LRP4: variants seen among roughly 807,000 people sequenced by gnomAD.
LRP4 encodes the protein low-density lipoprotein receptor-related protein 4.
LRP4 carries 95 observed loss-of-function variants against 220.3 expected under a neutral mutation model. That is an observed-to-expected ratio of 0.43 (90% CI 0.37 to 0.51). LRP4 has a LOEUF of 0.51. Ranked by LOEUF, LRP4 falls within the 20% of genes least tolerant of loss-of-function variation. The pLI, the probability that LRP4 is intolerant of heterozygous loss-of-function variation, is 0.00. For missense variants in LRP4, 1,925 were observed against 2,567.0 expected (o/e 0.75, Z 5.40); for synonymous variants, 903 against 954.6 (o/e 0.95, Z 1.00).
Position 46,899,332 on chromosome 11 carries a change from G to C in LRP4, c.547+55C>G. On this transcript the variant is annotated intron_variant, in intron 5 of 37. Transcript: ENST00000378623. This position sits in a 1 kb window ranked among gnomAD's most constrained non-coding sequence, Gnocchi z 5.9. Reference sequence around the variant, plus strand: ...TCCTCAGCCTCGCCCTTAGCCAATGGGCAGAACTGTCTGCCCTCATCCAAC... The same window carrying C: ...TCCTCAGCCTCGCCCTTAGCCAATGCGCAGAACTGTCTGCCCTCATCCAAC... 2 of 1,399,476 alleles carry C rather than the reference G, an allele frequency of 1.4e-6. No homozygotes were observed. Among genetic ancestry groups the C allele is most frequent in the East Asian group, 2.3e-5 (1 of 43,874 alleles). 86.7% of individuals were successfully genotyped at this position (1,399,476 alleles called of 1,614,324 possible). A position where few individuals can be genotyped will look rare whatever the true frequency, so the allele number is the denominator to read the frequency against.
chr11:46,889,765 G>C, intron 15 of LRP4, 179 bp downstream of exon 15: 1 of 847,646 alleles, frequency 1.2e-6, no homozygotes, highest in South Asian at 1.6e-5. Context: ...ATCTTTTCGT[G>C]AATCTTGTTG....
At chr11:46,881,568 A>C (rs1941160577) in intron 20 of LRP4, 134 bp downstream of exon 20, 1 of 881,196 alleles carries the variant, frequency 1.1e-6, no homozygotes, top group Admixed American at 1.8e-5. Context: ...CACATGCCCC[A>C]TGCTGGTCCC....
At chr11:46,886,563 T>TAAAAG (rs1941297705) in intron 16 of LRP4, 30 bp from the exon 17 acceptor site, 1 of 1,576,430 alleles carries the variant, frequency 6.3e-7, no homozygotes, top group Admixed American at 1.7e-5. Flanking sequence ...GGTCTTCTTT[T>TAAAAG]AATGCTCTAA....
chr11:46,872,563 G>T (rs1440083140), intron 30 of LRP4, among the ~76,000 whole-genome samples: 1 of 152,206 alleles, frequency 6.6e-6, no homozygotes, highest in African/African-American at 2.4e-5. Flanking sequence ...GGGCAACATA[G>T]CGAGATGCTG....
intron 16 of LRP4, 82 bp from the exon 17 acceptor site, chr11:46,886,615 A>G: frequency 8.8e-7 from 1 of 1,140,150 alleles, no homozygotes; most frequent in Non-Finnish European, 1.3e-6. Context: ...CCTGCGTGAC[A>G]TCTGGTTCAA....
chr11:46,908,416 C>T (rs1267618087), intron 1 of LRP4, among the ~76,000 whole-genome samples: 1 of 152,138 alleles, frequency 6.6e-6, no homozygotes, highest in Admixed American at 6.5e-5. Context: ...TTTGCGCCAA[C>T]CTAATATTAT....
intron 25 of LRP4, 88 bp downstream of exon 25, chr11:46,876,378 C>A (rs1941017077): frequency 7.9e-6 from 12 of 1,513,200 alleles, no homozygotes; most frequent in Non-Finnish European, 1.1e-5. Flanking sequence ...GTGATGCAAG[C>A]TTCCTCTCCA....
intron 1 of LRP4, among the ~76,000 whole-genome samples, chr11:46,913,141 C>T (rs1941892462): frequency 6.6e-6 from 1 of 152,114 alleles, no homozygotes; most frequent in African/African-American, 2.4e-5. Context: ...TCAGGGAGCG[C>T]TAACAGCCAG....
At chr11:46,896,398 C>T in intron 8 of LRP4, 63 bp from the exon 9 acceptor site, 1 of 1,594,514 alleles carries the variant, frequency 6.3e-7, no homozygotes, top group Non-Finnish European at 8.5e-7. Context: ...AGATGGGAGC[C>T]TGTCATTTTC....
chr11:46,882,650 G>C (rs1344367176), intron 19 of LRP4, among the ~76,000 whole-genome samples: 1 of 151,946 alleles, frequency 6.6e-6, no homozygotes, highest in Non-Finnish European at 1.5e-5. Flanking sequence ...TCAGAAGTTT[G>C]ACACCAGCCT....
At chr11:46,877,937 T>G (rs539919225) in intron 22 of LRP4, among the ~76,000 whole-genome samples, 1 of 152,244 alleles carries the variant, frequency 6.6e-6, no homozygotes, top group African/African-American at 2.4e-5. Flanking sequence ...AAGGACCCTT[T>G]ACCATGAAGA....
At chr11:46,860,863 G>C (rs185523949) in intron 37 of LRP4, 1 of 584,562 alleles carries the variant, frequency 1.7e-6, no homozygotes, top group East Asian at 1.4e-4. Flanking sequence ...TTAGGGAGAG[G>C]TGGGGGATAT....
At chr11:46,860,355 C>T (rs530014665) in intron 37 of LRP4, among the ~76,000 whole-genome samples, 1 of 152,244 alleles carries the variant, frequency 6.6e-6, no homozygotes, top group African/African-American at 2.4e-5. Context: ...AGGTTACTCT[C>T]GCTCTGCTGC....
intron 2 of LRP4, among the ~76,000 whole-genome samples, chr11:46,901,838 T>A (rs982079196): frequency 1.3e-5 from 2 of 152,030 alleles, no homozygotes; most frequent in African/African-American, 4.8e-5. Flanking sequence ...GTTTACACCA[T>A]TCTCCTGCCT....
Position 46,873,065 on chromosome 11 carries a change from G to A in LRP4, c.4583+35C>T, listed in dbSNP as rs368391538. The A allele has an allele frequency of 5.6e-6, 9 of 1,613,918 alleles. No individual in the cohort carries two copies. The highest frequency in any genetic ancestry group is 2.2e-5 in the South Asian group (2 of 91,026). ...CAACCATTCTCTCTTCTGCCCACCC[G>A]ATTTCCAGGAGGCTGTTTGATGCAA... On this transcript the variant is annotated intron_variant, in intron 30 of 37. Transcript: ENST00000378623. The surrounding 1 kb of genome is among the most constrained non-coding windows in gnomAD (Gnocchi z 4.2).
intron 16 of LRP4, among the ~76,000 whole-genome samples, chr11:46,886,864 C>T (rs1418573265): frequency 6.6e-6 from 1 of 152,234 alleles, no homozygotes; most frequent in African/African-American, 2.4e-5. Context: ...CTGACCCCTA[C>T]TTCCCTGATG....
intron 13 of LRP4, among the ~76,000 whole-genome samples, chr11:46,891,448 C>G (rs1592537655): frequency 1.3e-5 from 2 of 150,080 alleles, no homozygotes; most frequent in South Asian, 4.2e-4. Flanking sequence ...CACACACACA[C>G]ACACACACAC....
chr11:46,875,851 C>A lies in LRP4; in HGVS notation c.3652G>T (p.Val1218Leu). 2 of 1,614,136 alleles carry A rather than the reference C, an allele frequency of 1.2e-6. No individual in the cohort carries two copies. Among genetic ancestry groups the A allele is most frequent in the Non-Finnish European group, 1.7e-6 (2 of 1,180,028 alleles). Residue 1218 changes from valine to leucine, a missense_variant, in exon 26 of 38, where the codon GTG (valine) becomes TTG (leucine). By Grantham distance (32) the Val-to-Leu change is conservative. Transcript: ENST00000378623. This position sits in a 1 kb window ranked among gnomAD's most constrained non-coding sequence, Gnocchi z 4.5. The stretch of plus-strand genomic sequence containing the variant: ...AGCAGTTGGGAGCTGGCCTTGTCCA[C>A]AGTCAGTCCATTGGGCCATCCTAGG... ...NNLGWPNGLT[V>L]DKASSQLLWA...
chr11:46,896,439 G>T, intron 8 of LRP4, 104 bp from the exon 9 acceptor site: 1 of 1,419,456 alleles, frequency 7.0e-7, no homozygotes, highest in Non-Finnish European at 9.8e-7. Flanking sequence ...TGAGACTCAA[G>T]GTGGGAGGGT....
Sources: gnomAD v4.1 joint callset for allele counts (sites outside exome capture counted in the v4.1 genomes callset) on GRCh38, gnomAD v4.1.1 for gene constraint, Gnocchi (gnomAD v3.1) non-coding constraint, MANE v1.5 for transcripts, NCBI Gene and HGNC (gene_info 2026-07-23, HGNC 2026-07-21) for gene names.